Variants in TSHZ2 observed in about 807,000 individuals in gnomAD.
TSHZ2 encodes the protein teashirt zinc finger homeobox 2.
TSHZ2 carries 21 observed loss-of-function variants against 74.4 expected under a neutral mutation model. The ratio of observed to expected loss-of-function variants is 0.28; its 90% CI spans 0.20 to 0.41. The LOEUF (loss-of-function observed/expected upper bound fraction) is 0.41. Ranked by LOEUF, TSHZ2 falls within the 10% of genes least tolerant of loss-of-function variation. TSHZ2 has a pLI of 1.00. For missense variants in TSHZ2, 1,244 were observed against 1,293.5 expected (o/e 0.96, Z 0.59); for synonymous variants, 540 against 515.3 (o/e 1.05, Z -0.65).
At chr20:53,179,255 C>T (rs1370714692) in intron 1 of TSHZ2, 1 of 152,044 alleles carries the variant, frequency 6.6e-6, no homozygotes, top group African/African-American at 2.4e-5. Flanking sequence ...CACACCACAT[C>T]GAGTCTTGGT....
intron 1 of TSHZ2, among the ~76,000 whole-genome samples, chr20:53,014,445 A>T (rs1982963669): frequency 6.6e-6 from 1 of 152,088 alleles, no homozygotes; most frequent in African/African-American, 2.4e-5. Flanking sequence ...AATGCAGAAA[A>T]ATTTCTTCAC....
intron 1 of TSHZ2, among the ~76,000 whole-genome samples, chr20:53,109,212 T>A (rs1193967866): frequency 6.6e-6 from 1 of 152,238 alleles, no homozygotes. Flanking sequence ...GTATCTACTT[T>A]ATAGGGTTTT....
chr20:53,096,116 A>T (rs932005012), intron 1 of TSHZ2, among the ~76,000 whole-genome samples: 3 of 152,040 alleles, frequency 2.0e-5, no homozygotes, highest in Admixed American at 2.0e-4. Context: ...GTTAACACTA[A>T]CACCTCTGTG....
At chr20:53,324,023 T>C (rs1979392725) in intron 2 of TSHZ2, among the ~76,000 whole-genome samples, 1 of 152,214 alleles carries the variant, frequency 6.6e-6, no homozygotes, top group Non-Finnish European at 1.5e-5. Flanking sequence ...CCTGTTCATC[T>C]GTACACAGAG....
At chr20:53,004,577 G>A (rs1025358050) in intron 1 of TSHZ2, among the ~76,000 whole-genome samples, 1 of 152,280 alleles carries the variant, frequency 6.6e-6, no homozygotes, top group African/African-American at 2.4e-5. Context: ...GCCGGGAAAA[G>A]CATAAAACAA....
At chr20:53,114,517 C>G (rs1211138501) in intron 1 of TSHZ2, among the ~76,000 whole-genome samples, 1 of 152,136 alleles carries the variant, frequency 6.6e-6, no homozygotes, top group Non-Finnish European at 1.5e-5. Flanking sequence ...TACTAGCTAC[C>G]ACTGCTCTTT....
In TSHZ2 at chr20:52,984,267, G is replaced by T. The variant is rs139052078; in HGVS notation, c.40+10934G>T. 2.6e-3 allele frequency among the ~76,000 whole-genome samples: 397 copies of T among 152,262 alleles called. 1 individual carries two copies. Among genetic ancestry groups the T allele is most frequent in the African/African-American group, 9.0e-3 (372 of 41,542 alleles). ...GAATGACAAAGTGCCTGCCTTCCCGGAGCTTACATTGAGTGCGGAGGACAG... is the reference window on the plus strand; with the variant it reads ...GAATGACAAAGTGCCTGCCTTCCCGTAGCTTACATTGAGTGCGGAGGACAG... On this transcript the variant is annotated intron_variant, in intron 1 of 2. Coordinates refer to ENST00000371497, the MANE Select transcript of TSHZ2 (RefSeq NM_173485.6).
intron 2 of TSHZ2, among the ~76,000 whole-genome samples, chr20:53,441,605 T>G (rs1031365286): frequency 1.3e-5 from 2 of 150,864 alleles, no homozygotes; most frequent in Admixed American, 6.6e-5. Context: ...ATTTTTGAGA[T>G]GGAGTCTCGC....
At chr20:53,358,567 TCTCCTGGC>T (rs892129807) in intron 2 of TSHZ2, among the ~76,000 whole-genome samples, 1 of 151,868 alleles carries the variant, frequency 6.6e-6, no homozygotes, top group African/African-American at 2.4e-5. Flanking sequence ...CTGGTCTCGA[TCTCCTGGC>T]CTCAGTTGAT....
At chr20:53,436,765 G>A (rs1174411651) in intron 2 of TSHZ2, among the ~76,000 whole-genome samples, 1 of 151,462 alleles carries the variant, frequency 6.6e-6, no homozygotes, top group Non-Finnish European at 1.5e-5. Context: ...TGGCCAGGCT[G>A]GCCTAAAACT....
Position 53,084,965 on chromosome 20 carries a change from T to A in TSHZ2, c.40+111632T>A, listed in dbSNP as rs1985653180. ...CCTATTTCAAGCCATGTAACCTCAC[T>A]GGGTCTCAGTTTGCTTTCCTCCAAA... On this transcript the variant is annotated intron_variant, in intron 1 of 2. Transcript: ENST00000371497. Among the ~76,000 whole-genome samples, 4 of 152,262 alleles carry A rather than the reference T, an allele frequency of 2.6e-5. No individual in the cohort carries two copies. The South Asian group carries it at 8.3e-4, about 32-fold the overall frequency.
intron 1 of TSHZ2, among the ~76,000 whole-genome samples, chr20:52,994,921 C>T (rs1056842651): frequency 3.3e-5 from 5 of 152,146 alleles, no homozygotes; most frequent in African/African-American, 1.2e-4. Flanking sequence ...GCTCATTTAG[C>T]CTCCCTTTCA....
intron 1 of TSHZ2, among the ~76,000 whole-genome samples, chr20:53,048,163 C>A (rs1353216932): frequency 1.3e-5 from 2 of 152,176 alleles, no homozygotes; most frequent in Admixed American, 6.5e-5. Context: ...CACAGTGTCA[C>A]AACATGGACT....
At position 53,233,922 on chromosome 20, in the gene TSHZ2, C is replaced by T. The variant is rs777827964; in HGVS notation, c.41-19577C>T. On this transcript the variant is annotated intron_variant, in intron 1 of 2. Coordinates refer to ENST00000371497, the MANE Select transcript of TSHZ2 (RefSeq NM_173485.6). Reference sequence around the variant, plus strand: ...GGATTTTCTTCCAAGCAATTAAAAACTTTTTAAATGTCTGGCTTAAGTAAC... The same window carrying T: ...GGATTTTCTTCCAAGCAATTAAAAATTTTTTAAATGTCTGGCTTAAGTAAC... Among the ~76,000 whole-genome samples the T allele has an allele frequency of 7.2e-5, 11 of 152,094 alleles. No homozygotes were observed. The East Asian group carries it at 2.1e-3, about 29-fold the overall frequency.
chr20:53,001,216 G>GTGTGTGTGTGTGTGTGTGTGTATA lies in TSHZ2; in HGVS notation c.40+27904_40+27905insATATGTGTGTGTGTGTGTGTGTGT, dbSNP rs1555813571. Among the ~76,000 whole-genome samples, 337 of 142,650 alleles carry GTGTGTGTGTGTGTGTGTGTGTATA rather than the reference G, an allele frequency of 2.4e-3. 3 individuals are homozygous for GTGTGTGTGTGTGTGTGTGTGTATA. The highest frequency in any genetic ancestry group is 8.8e-3 in the African/African-American group (322 of 36,486). The allele number at this position is 142,650 out of a possible 152,430, so 93.6% of individuals were successfully genotyped here. On this transcript the variant is annotated intron_variant, in intron 1 of 2. Transcript: ENST00000371497. ...TGTGCGTTCATGTGCGTGTGTGTGTGTGTGTGTGTGTGTGTGTGTGTGTGT... is the reference window on the plus strand; with the variant it reads ...TGTGCGTTCATGTGCGTGTGTGTGTGTGTGTGTGTGTGTGTGTGTGTATATGTGTGTGTGTGTGTGTGTGTGTGT...
At chr20:53,234,737 C>T (rs1989902055) in intron 1 of TSHZ2, among the ~76,000 whole-genome samples, 2 of 152,062 alleles carry the variant, frequency 1.3e-5, no homozygotes, top group Admixed American at 1.3e-4. Flanking sequence ...GCAAAGAGGT[C>T]AGTATGGCTG....
In TSHZ2 at chr20:52,973,253, G is replaced by C. The variant is rs752774527; in HGVS notation, c.-41G>C. On this transcript the variant is annotated 5_prime_UTR_variant, in exon 1 of 3. Transcript: ENST00000371497. ...GACAGCGGGCCCCAGCGCGCGGCTC[G>C]GGGCTGGGGCGCCAGAAGTGGGACT... 4.5e-6 allele frequency: 7 copies of C among 1,551,416 alleles called. 1 individual carries two copies. In the Middle Eastern group the frequency reaches 5.0e-4, roughly 111 times the overall value.
At chr20:53,417,384 C>T (rs1983308161) in intron 2 of TSHZ2, among the ~76,000 whole-genome samples, 1 of 152,012 alleles carries the variant, frequency 6.6e-6, no homozygotes, top group African/African-American at 2.4e-5. Context: ...GCAACCTCTG[C>T]CTCCCAGGTT....
At chr20:52,983,010 C>T (rs1026157201) in intron 1 of TSHZ2, among the ~76,000 whole-genome samples, 1 of 152,180 alleles carries the variant, frequency 6.6e-6, no homozygotes, top group African/African-American at 2.4e-5. Flanking sequence ...CGTCTACTTA[C>T]CCAGCCCCTA....
Sources: allele counts gnomAD v4.1 joint callset (sites outside exome capture counted in the v4.1 genomes callset), GRCh38; gene constraint gnomAD v4.1.1; transcripts MANE v1.5; gene names NCBI Gene and HGNC (gene_info 2026-07-23, HGNC 2026-07-21).